FSTL4: variants seen among roughly 807,000 people sequenced by gnomAD.
FSTL4 encodes follistatin like 4, also known as follistatin-related protein 4.
A neutral mutation model predicts 78.2 loss-of-function variants in FSTL4; 28 were observed. The ratio of observed to expected loss-of-function variants is 0.36; its 90% confidence interval spans 0.27 to 0.49. The LOEUF (loss-of-function observed/expected upper bound fraction) is 0.49. Among genes scored for constraint, FSTL4 ranks in the 20% least tolerant of loss-of-function variants. FSTL4 has a pLI of 0.98. For synonymous variants in FSTL4, 422 were observed against 440.5 expected (o/e 0.96, Z 0.53); for missense variants, 922 against 1,084.9 (o/e 0.85, Z 2.11).
At chr5:133,427,451 C>A in intron 3 of FSTL4, 1 of 348,770 alleles carries the variant, frequency 2.9e-6, no homozygotes. Context: ...CTTCTCCAGA[C>A]CTCCCAAGCC....
the FSTL4 span, among the ~76,000 whole-genome samples, chr5:133,736,895 G>A: frequency 3.9e-5 from 6 of 152,060 alleles, no homozygotes; most frequent in East Asian, 1.9e-4. Context: ...TTCTAAAGCT[G>A]GAGACGTGCC....
intron 3 of FSTL4, among the ~76,000 whole-genome samples, chr5:133,445,766 C>T (rs376753219): frequency 3.3e-4 from 50 of 151,796 alleles, no homozygotes; most frequent in African/African-American, 1.2e-3. Flanking sequence ...AGAGCTGCAG[C>T]AATATTTAAC....
intron 4 of FSTL4, among the ~76,000 whole-genome samples, chr5:133,395,744 A>G (rs895514885): frequency 6.6e-6 from 1 of 151,766 alleles, no homozygotes; most frequent in Non-Finnish European, 1.5e-5. Context: ...CCTTCCCCAC[A>G]CTCTCAACCT....
chr5:133,730,653 A>G, the FSTL4 span, among the ~76,000 whole-genome samples: 1 of 152,214 alleles, frequency 6.6e-6, no homozygotes, highest in Non-Finnish European at 1.5e-5. Context: ...CCAGGCCCAG[A>G]TGGTTGATTA....
At chr5:133,377,533 T>A (rs1456524689) in intron 4 of FSTL4, among the ~76,000 whole-genome samples, 1 of 151,574 alleles carries the variant, frequency 6.6e-6, no homozygotes, top group Non-Finnish European at 1.5e-5. Flanking sequence ...AACATTTTGG[T>A]GGTAAGTAAT....
the FSTL4 span, among the ~76,000 whole-genome samples, chr5:133,628,483 C>T: frequency 6.6e-6 from 1 of 151,984 alleles, no homozygotes; most frequent in African/African-American, 2.4e-5. Flanking sequence ...CCTCAGCCTC[C>T]CGAGTAGCTG....
At chr5:133,269,172 G>A (rs997119134) in intron 6 of FSTL4, among the ~76,000 whole-genome samples, 17 of 125,120 alleles carry the variant, frequency 1.4e-4, no homozygotes, top group East Asian at 2.3e-4. Flanking sequence ...GCGATGGAGC[G>A]AGACTCCATC....
chr5:133,618,704 A>G, the FSTL4 span, among the ~76,000 whole-genome samples: 60 of 152,338 alleles, frequency 3.9e-4, no homozygotes, highest in East Asian at 6.9e-3. Flanking sequence ...GAAGTTACCC[A>G]GTTTATCTAA....
Position 133,316,633 on chromosome 5 carries a change from G to T in FSTL4, c.429C>A (p.Ala143=), listed in dbSNP as rs758947514. The T allele has an allele frequency of 1.9e-6, 3 of 1,612,970 alleles. No homozygotes were observed. In the African/African-American group the frequency reaches 4.0e-5, roughly 22 times the overall value. The change falls in exon 5 of 16, where the codon GCC becomes GCA. Residue 143 remains alanine (A), a synonymous_variant. Coordinates refer to ENST00000265342, the MANE Select transcript of FSTL4 (RefSeq NM_015082.2). ...GGACATTCTTCAAGCGGGCGTAGCC[G>T]GCCATGGTGCACGTGTCACCTGAAA... ...CFLKGDTCTM[A]GYARLKNVLL...
the FSTL4 span, among the ~76,000 whole-genome samples, chr5:133,713,348 T>C: frequency 1.3e-5 from 2 of 152,190 alleles, no homozygotes; most frequent in Non-Finnish European, 2.9e-5. Flanking sequence ...CATGATCTGA[T>C]AGGAAGGAAA....
rs77378350 is a variant in FSTL4 at position 133,378,372 on chromosome 5, G to A, written c.409+22366C>T. Among the ~76,000 whole-genome samples the A allele has an allele frequency of 8.9e-3, 1,356 of 152,248 alleles. 18 individuals carry two copies. The highest frequency in any genetic ancestry group is 0.03 in the African/African-American group (1,265 of 41,554). ...ACATACTTGAAAATAATAGCACAAA[G>A]GATGTAGGTGGGTGCAAAACTGTAT... On this transcript the variant is annotated intron_variant, in intron 4 of 15. Transcript: ENST00000265342.
chr5:133,790,200 C>A, the FSTL4 span, among the ~76,000 whole-genome samples: 1 of 152,162 alleles, frequency 6.6e-6, no homozygotes, highest in Non-Finnish European at 1.5e-5. Flanking sequence ...AGTTAGAAAG[C>A]CAGTAAATGC....
intron 3 of FSTL4, among the ~76,000 whole-genome samples, chr5:133,538,319 T>A (rs1168719124): frequency 6.6e-6 from 1 of 152,164 alleles, no homozygotes; most frequent in African/African-American, 2.4e-5. Flanking sequence ...AAGATTCAAG[T>A]TATAAATTTT....
chr5:133,513,829 CTACTT>C (rs2112890436), intron 3 of FSTL4, among the ~76,000 whole-genome samples: 1 of 152,244 alleles, frequency 6.6e-6, no homozygotes, highest in African/African-American at 2.4e-5. Flanking sequence ...TGAGAATGAT[CTACTT>C]TAGAATTCAG....
chr5:133,734,689 C>A, the FSTL4 span, among the ~76,000 whole-genome samples: 1 of 152,142 alleles, frequency 6.6e-6, no homozygotes, highest in African/African-American at 2.4e-5. Context: ...TTGCTTGGAG[C>A]GTGGTGAGCC....
At chr5:133,631,635 A>G in the FSTL4 span, among the ~76,000 whole-genome samples, 3 of 152,316 alleles carry the variant, frequency 2.0e-5, no homozygotes, top group East Asian at 5.8e-4. Context: ...TGACCCAGCA[A>G]TCCCATTATT....
chr5:133,400,973 G>A lies in FSTL4; in HGVS notation c.174C>T (p.His58=), dbSNP rs748767490. 15 of 1,613,126 alleles carry A rather than the reference G, an allele frequency of 9.3e-6. No individual in the cohort carries two copies. Among genetic ancestry groups the A allele is most frequent in the Non-Finnish European group, 8.5e-6 (10 of 1,180,022 alleles). Residue 58 remains histidine, a synonymous_variant, in exon 4 of 16, where the codon CAC becomes CAT. Transcript: ENST00000265342. ...EVTRREGLSS[H]NELLASCGKK... Reference sequence around the variant, plus strand: ...TCCCGCAGGAGGCCAGCAGCTCGTTGTGGCTGGAAAGCCCTGCCAGACACA... The same window carrying A: ...TCCCGCAGGAGGCCAGCAGCTCGTTATGGCTGGAAAGCCCTGCCAGACACA...
upstream of FSTL4, among the ~76,000 whole-genome samples, chr5:133,617,223 C>T (rs945451888): frequency 3.4e-5 from 5 of 145,232 alleles, no homozygotes; most frequent in East Asian, 4.3e-4. Flanking sequence ...CACTTGAACC[C>T]GGGAGGCAGA....
chr5:133,737,854 C>T, the FSTL4 span, among the ~76,000 whole-genome samples: 1 of 152,128 alleles, frequency 6.6e-6, no homozygotes, highest in African/African-American at 2.4e-5. Context: ...CCACCTGCCT[C>T]AGCCTCCCAA....
Sources: gnomAD v4.1 joint callset for allele counts (sites outside exome capture counted in the v4.1 genomes callset) on GRCh38, gnomAD v4.1.1 for gene constraint, MANE v1.5 for transcripts, NCBI Gene and HGNC (gene_info 2026-07-23, HGNC 2026-07-21) for gene names.